The following EPM2A variants were observed in gnomAD, a reference collection of about 807,000 sequenced individuals.
EPM2A encodes laforin.
In EPM2A, 21 loss-of-function variants were observed where a neutral mutation model predicts 26.5. That is an observed-to-expected ratio of 0.79 (90% confidence interval 0.56 to 1.14). The LOEUF is 1.14. Ranked by LOEUF, EPM2A falls within the 50% of genes most tolerant of loss-of-function variation. The pLI, the probability that EPM2A is intolerant of heterozygous loss-of-function variation, is 0.00. For missense variants in EPM2A, 458 were observed against 440.8 expected (o/e 1.04, Z -0.35); for synonymous variants, 217 against 177.6 (o/e 1.22, Z -1.76).
intron 2 of EPM2A, among the ~76,000 whole-genome samples, chr6:145,505,637 T>G (rs1017638361): frequency 5.3e-5 from 8 of 152,152 alleles, no homozygotes; most frequent in African/African-American, 1.9e-4. Context: ...CTACACTTAT[T>G]TTTTTAAGAG....
At chr6:145,550,287 C>G (rs552802213) in intron 2 of EPM2A, among the ~76,000 whole-genome samples, 1 of 152,088 alleles carries the variant, frequency 6.6e-6, no homozygotes, top group South Asian at 2.1e-4. Context: ...AGAGAGGAGA[C>G]GAGAGGGCAA....
chr6:145,391,472 G>C (rs1437144623), intron 4 of EPM2A, among the ~76,000 whole-genome samples: 2 of 152,134 alleles, frequency 1.3e-5, no homozygotes, highest in Non-Finnish European at 1.5e-5. Context: ...ACCCCAAAGT[G>C]AACATGAGAC....
chr6:145,708,719 G>A (rs1051996946), intron 1 of EPM2A, among the ~76,000 whole-genome samples: 5 of 152,200 alleles, frequency 3.3e-5, no homozygotes, highest in Non-Finnish European at 5.9e-5. Flanking sequence ...AGAAAAATGT[G>A]GGATTGGAGC....
At chr6:145,655,309 GA>G (rs1254218313) in intron 2 of EPM2A, among the ~76,000 whole-genome samples, 1 of 152,110 alleles carries the variant, frequency 6.6e-6, no homozygotes, top group Non-Finnish European at 1.5e-5. Flanking sequence ...ATGACCTAGA[GA>G]AGTGCAGGGT....
intron 1 of EPM2A, among the ~76,000 whole-genome samples, chr6:145,711,370 A>G (rs911134874): frequency 6.6e-6 from 1 of 152,210 alleles, no homozygotes; most frequent in Non-Finnish European, 1.5e-5. Context: ...TGAATGACTG[A>G]GCTGCAGTGT....
At chr6:145,566,587 A>G (rs55997938) in intron 2 of EPM2A, among the ~76,000 whole-genome samples, 1 of 152,228 alleles carries the variant, frequency 6.6e-6, no homozygotes. Flanking sequence ...AGCATTAACC[A>G]GTGAAGGTTA....
chr6:145,698,114 C>A (rs544618360), intron 1 of EPM2A, among the ~76,000 whole-genome samples: 2 of 152,192 alleles, frequency 1.3e-5, no homozygotes, highest in African/African-American at 4.8e-5. Context: ...TCACAATCCA[C>A]GTTCTTCTGC....
chr6:145,430,269 T>C (rs1778904947), intron 4 of EPM2A, among the ~76,000 whole-genome samples: 1 of 152,050 alleles, frequency 6.6e-6, no homozygotes, highest in Non-Finnish European at 1.5e-5. Context: ...GAAATGGCAT[T>C]TGTTATCAAC....
At chr6:145,648,935 A>G (rs1384414847) in intron 2 of EPM2A, among the ~76,000 whole-genome samples, 1 of 152,214 alleles carries the variant, frequency 6.6e-6, no homozygotes, top group African/African-American at 2.4e-5. Flanking sequence ...GGGAAGTTAG[A>G]GGTGATTATT....
intron 2 of EPM2A, among the ~76,000 whole-genome samples, chr6:145,566,311 A>T (rs1004098183): frequency 6.6e-6 from 1 of 152,154 alleles, no homozygotes; most frequent in Non-Finnish European, 1.5e-5. Context: ...ATTATATTCC[A>T]TTCCTTTCTC....
intron 2 of EPM2A, among the ~76,000 whole-genome samples, chr6:145,680,647 T>C (rs1478348457): frequency 6.7e-6 from 1 of 150,374 alleles, no homozygotes; most frequent in East Asian, 2.0e-4. Context: ...TGGTGTTTGG[T>C]TTTTTGTCCT....
chr6:145,440,448 C>A (rs1779047437), intron 4 of EPM2A, among the ~76,000 whole-genome samples: 1 of 152,168 alleles, frequency 6.6e-6, no homozygotes, highest in Non-Finnish European at 1.5e-5. Context: ...CCTCCCAAAT[C>A]TCATGTTCTC....
At position 145,636,105 on chromosome 6, in the gene EPM2A, A is replaced by T. The variant is rs1299171536; in HGVS notation, c.477-619T>A. 3.3e-5 allele frequency: 5 copies of T among 152,370 alleles called. No individual in the cohort carries two copies. The East Asian group carries it at 9.6e-4, about 29-fold the overall frequency. 9.4% of individuals were successfully genotyped at this position (152,370 alleles called of 1,614,324 possible). On this transcript the variant is annotated intron_variant, in intron 2 of 3. Transcript: ENST00000367519. ...ATATAGTTTCCTTTTGGAAATTATC[A>T]TTGAGGTTTATTATAGAAAAAAATA...
intron 2 of EPM2A, among the ~76,000 whole-genome samples, chr6:145,646,110 G>A (rs912779892): frequency 1.3e-5 from 2 of 152,080 alleles, no homozygotes; most frequent in Non-Finnish European, 2.9e-5. Flanking sequence ...CACCTAATGA[G>A]TCCCACCTGG....
chr6:145,583,155 C>T (rs746993668), intron 2 of EPM2A, among the ~76,000 whole-genome samples: 1 of 152,162 alleles, frequency 6.6e-6, no homozygotes, highest in Non-Finnish European at 1.5e-5. Context: ...CTATGTCCAT[C>T]ATTTCAGCCA....
intron 4 of EPM2A, among the ~76,000 whole-genome samples, chr6:145,468,646 A>C (rs1442197893): frequency 6.6e-6 from 1 of 152,102 alleles, no homozygotes; most frequent in African/African-American, 2.4e-5. Context: ...AAGATTGAAG[A>C]CTTAAATCTA....
intron 2 of EPM2A, among the ~76,000 whole-genome samples, chr6:145,566,483 T>G (rs1413124920): frequency 6.6e-6 from 1 of 152,208 alleles, no homozygotes; most frequent in Non-Finnish European, 1.5e-5. Context: ...CTCACCTGTA[T>G]AATGCCCCTA....
At chr6:145,597,706 C>G (rs1312423425) in intron 2 of EPM2A, among the ~76,000 whole-genome samples, 1 of 152,058 alleles carries the variant, frequency 6.6e-6, no homozygotes, top group African/African-American at 2.4e-5. Context: ...CCAACAGTTA[C>G]TTTTTCCACT....
rs946135819 is a variant in EPM2A at position 145,721,275 on chromosome 6, A to C, written c.301+13923T>G. ...TACAATTTACCATTTAAAACCATAAAGATCACGGAATTGAAACTGTTGGGC... is the reference window on the plus strand; with the variant it reads ...TACAATTTACCATTTAAAACCATAACGATCACGGAATTGAAACTGTTGGGC... On this transcript the variant is annotated intron_variant, in intron 1 of 3. Transcript: ENST00000367519. 3.3e-5 allele frequency: 5 copies of C among 152,332 alleles called. No individual in the cohort carries two copies. In the South Asian group the frequency reaches 6.2e-4, roughly 19 times the overall value. 9.4% of individuals were successfully genotyped at this position (152,332 alleles called of 1,614,324 possible).
Sources: gnomAD v4.1 joint callset for allele counts (sites outside exome capture counted in the v4.1 genomes callset) on GRCh38, gnomAD v4.1.1 for gene constraint, MANE v1.5 for transcripts, NCBI Gene and HGNC (gene_info 2026-07-23, HGNC 2026-07-21) for gene names.